Variants in SMG7 observed in about 807,000 individuals in gnomAD.
SMG7 encodes the protein SMG7 nonsense mediated mRNA decay factor, also known as nonsense-mediated mRNA decay factor SMG7.
SMG7 carries 34 observed loss-of-function variants against 148.2 expected under a neutral mutation model. The ratio of observed to expected loss-of-function variants is 0.23; its 90% CI spans 0.17 to 0.31. The LOEUF (loss-of-function observed/expected upper bound fraction) is 0.31, where lower values mean the gene tolerates loss of function less well. Among genes scored for constraint, SMG7 ranks in the 10% least tolerant of loss-of-function variants. The probability of loss-of-function intolerance (pLI) is 1.00; values close to 1 mark genes in which losing one functional copy is unlikely to be tolerated. For missense variants in SMG7, 1,114 were observed against 1,408.4 expected (o/e 0.79, Z 3.35); for synonymous variants, 492 against 515.1 (o/e 0.96, Z 0.61).
chr1:183,541,139 C>T (rs767776168), intron 13 of SMG7, 36 bp downstream of exon 13: 2 of 1,602,574 alleles, frequency 1.2e-6, no homozygotes, highest in Non-Finnish European at 1.7e-6. Context: ...CCTTTTTAAC[C>T]ACCTTTTTAG....
Position 183,553,141 on chromosome 1 carries a change from TC to T in SMG7, c.*1211del. ...TCAAGGCAGCACGGACATGTGCCCA[TC>T]AGGCACAGAAGAAAACACGACGTCG... On this transcript the variant is annotated 3_prime_UTR_variant, in exon 23 of 23. Coordinates refer to ENST00000688051, the MANE Select transcript of SMG7 (RefSeq NM_001375584.1). 4 of 1,536,328 alleles carry T rather than the reference TC, an allele frequency of 2.6e-6. No individual in the cohort carries two copies. Among genetic ancestry groups the T allele is most frequent in the Non-Finnish European group, 3.5e-6 (4 of 1,146,934 alleles).
chr1:183,508,158 A>G (rs1661341657), intron 1 of SMG7: 2 of 971,380 alleles, frequency 2.1e-6, no homozygotes, highest in Non-Finnish European at 2.4e-6. Flanking sequence ...GATGGTTTTT[A>G]TAACAAAACC....
At chr1:183,502,855 A>G (rs951567579) in intron 1 of SMG7, among the ~76,000 whole-genome samples, 1 of 152,184 alleles carries the variant, frequency 6.6e-6, no homozygotes, top group East Asian at 1.9e-4. Context: ...TAGGTGTATG[A>G]TAGTATGCTA....
chr1:183,546,228 C>G lies in SMG7; in HGVS notation c.2633C>G (p.Ala878Gly). 2.5e-6 allele frequency: 4 copies of G among 1,614,084 alleles called. No individual in the cohort carries two copies. Among genetic ancestry groups the G allele is most frequent in the Non-Finnish European group, 3.4e-6 (4 of 1,179,966 alleles). ...TACTGGGATTCTTCCTACAGCATGG[C>G]TGATAACAGATCTGTAATGGCACAG... ...EFYWDSSYSM[A>G]DNRSVMAQQA... The change falls in exon 17 of 23, where the codon GCT becomes GGT. Residue 878 changes from alanine (A) to glycine (G), a missense_variant. Around this residue, in one of 4 missense-constraint regions of SMG7, gnomAD observed 788 missense variants for 894.5 expected, o/e 0.88. Transcript: ENST00000688051.
At chr1:183,538,339 T>G in intron 11 of SMG7, 41 bp from the exon 12 acceptor site, 1 of 1,446,358 alleles carries the variant, frequency 6.9e-7, no homozygotes, top group Non-Finnish European at 9.7e-7. Context: ...CAAACAACAT[T>G]TTAATTAAAA....
chr1:183,544,311 GT>G, intron 14 of SMG7, 41 bp from the exon 15 acceptor site: 2 of 1,561,834 alleles, frequency 1.3e-6, no homozygotes, highest in Non-Finnish European at 1.8e-6. Context: ...GCACATTTGA[GT>G]TTCAATTTAT....
Position 183,542,321 on chromosome 1 carries a change from G to A in SMG7, c.1661G>A (p.Arg554Gln), listed in dbSNP as rs371409902. 1.7e-5 allele frequency: 27 copies of A among 1,614,088 alleles called. No individual in the cohort carries two copies. The highest frequency in any genetic ancestry group is 6.7e-5 in the African/African-American group (5 of 75,040). The change falls in exon 14 of 23, where the codon CGA (arginine) becomes CAA (glutamine). Residue 554 changes from arginine (R) to glutamine (Q), a missense_variant. Physicochemically the swap from Arg to Gln is conservative, Grantham distance 43 (BLOSUM62 1). This residue lies in a region of SMG7 where 788 missense variants were observed against 894.5 expected (regional missense o/e 0.88). Coordinates refer to ENST00000688051, the MANE Select transcript of SMG7 (RefSeq NM_001375584.1). Reference protein sequence around the residue: ...VVTFKENIKTREVNRDQGRSF... With the variant: ...VVTFKENIKTQEVNRDQGRSF... ...ACCTTCAAAGAAAACATTAAGACAC[G>A]AGAAGTGAACAGAGACCAAGGAAGA...
At chr1:183,472,913 C>T (rs1651068197) in intron 1 of SMG7, 3 of 392,486 alleles carry the variant, frequency 7.6e-6, no homozygotes, top group Admixed American at 4.5e-5. Context: ...AGAATGTGCG[C>T]GCGCGCCCTT....
In SMG7 at chr1:183,553,409, C is replaced by T. The variant is rs779526649; in HGVS notation, c.*1478C>T. 1 of 565,428 alleles carries T rather than the reference C, an allele frequency of 1.8e-6. No individual in the cohort carries two copies. The highest frequency in any genetic ancestry group is 3.1e-6 in the Non-Finnish European group (1 of 322,838). The allele number at this position is 565,428 out of a possible 1,614,324, so 35.0% of individuals were successfully genotyped here. On this transcript the variant is annotated 3_prime_UTR_variant, in exon 23 of 23. Transcript: ENST00000688051. ...CTTTGTGTGTCTGTATGTTTGTGTA[C>T]ACACACGTGCCCATCTGCTGTCCCA... is the stretch of plus-strand genomic sequence containing the variant.
chr1:183,478,773 A>C (rs1345312545), intron 1 of SMG7, among the ~76,000 whole-genome samples: 1 of 152,174 alleles, frequency 6.6e-6, no homozygotes, highest in South Asian at 2.1e-4. Context: ...AGTGTCATGA[A>C]TGAGTGCCTG....
chr1:183,501,577 A>C (rs1446539837), intron 1 of SMG7, among the ~76,000 whole-genome samples: 1 of 152,172 alleles, frequency 6.6e-6, no homozygotes, highest in African/African-American at 2.4e-5. Flanking sequence ...TTGTGACTTG[A>C]TTTACACCTG....
At chr1:183,490,132 T>C (rs1656581119) in intron 1 of SMG7, among the ~76,000 whole-genome samples, 1 of 152,190 alleles carries the variant, frequency 6.6e-6, no homozygotes, top group Non-Finnish European at 1.5e-5. Context: ...AGCTCTTAGA[T>C]TGGTCAGGGA....
intron 10 of SMG7, among the ~76,000 whole-genome samples, chr1:183,534,185 G>T (rs1331724523): frequency 6.6e-6 from 1 of 152,058 alleles, no homozygotes; most frequent in Non-Finnish European, 1.5e-5. Flanking sequence ...GAAGGGAAGA[G>T]ATTTTTATTC....
Position 183,528,949 on chromosome 1 carries a change from C to T in SMG7, c.614C>T (p.Thr205Ile). 1 of 1,613,536 alleles carries T rather than the reference C, an allele frequency of 6.2e-7. No homozygotes were observed. The highest frequency in any genetic ancestry group is 1.1e-5 in the South Asian group (1 of 91,074). The change falls in exon 7 of 23, where the codon ACA becomes ATA. Residue 205 changes from threonine to isoleucine, a missense_variant. Thr to Ile is a moderately conservative substitution (Grantham distance 89). Transcript: ENST00000688051. ...TCTTCCAAAGGAGACCATCTGACCACAATTTTCTACTACTGCAGAAGCATT... is the reference window on the plus strand; with the variant it reads ...TCTTCCAAAGGAGACCATCTGACCATAATTTTCTACTACTGCAGAAGCATT... ...LASSKGDHLT[T>I]IFYYCRSIAV...
At chr1:183,545,900 T>C (rs1404553927) in intron 16 of SMG7, 66 bp from the exon 17 acceptor site, 1 of 1,504,620 alleles carries the variant, frequency 6.6e-7, no homozygotes, top group Non-Finnish European at 8.9e-7. Context: ...TCTGTGATTC[T>C]TTAGCATTCA....
chr1:183,473,970 G>A (rs990395104), intron 1 of SMG7: 1 of 630,454 alleles, frequency 1.6e-6, no homozygotes, highest in African/African-American at 2.0e-5. Context: ...AAGCATAATA[G>A]GGAGAGAAGA....
intron 13 of SMG7, 40 bp downstream of exon 13, chr1:183,541,143 T>A: frequency 6.3e-7 from 1 of 1,595,912 alleles, no homozygotes; most frequent in Non-Finnish European, 8.6e-7. Context: ...TTTAACCACC[T>A]TTTTAGATAA....
chr1:183,549,917 A>G lies in SMG7; in HGVS notation c.3127A>G (p.Ser1043Gly). The G allele has an allele frequency of 6.2e-7, 1 of 1,612,630 alleles. No individual in the cohort carries two copies. Among genetic ancestry groups the G allele is most frequent in the Non-Finnish European group, 8.5e-7 (1 of 1,178,744 alleles). ...GTPWSPSLPA[S>G]SDHSTPASQS... ...TCCGTGGTCTCCATCACTTCCTGCC[A>G]GTTCAGGTATTAACTACTCTTTAAA... Residue 1043 changes from serine (S) to glycine (G), a missense_variant, in exon 20 of 23, where the codon AGT becomes GGT. By Grantham distance (56) the Ser-to-Gly change is moderately conservative. Transcript: ENST00000688051.
intron 2 of SMG7, among the ~76,000 whole-genome samples, chr1:183,515,491 A>G (rs540963563): frequency 2.0e-5 from 3 of 152,312 alleles, no homozygotes; most frequent in East Asian, 3.9e-4. Flanking sequence ...TATGAGAGTA[A>G]ACAGACCAAC....
Sources: gnomAD v4.1 joint callset for allele counts (sites outside exome capture counted in the v4.1 genomes callset) on GRCh38, gnomAD v4.1.1 for gene constraint, gnomAD v4.1.1 regional missense constraint, MANE v1.5 for transcripts, NCBI Gene and HGNC (gene_info 2026-07-23, HGNC 2026-07-21) for gene names.